LDB2: variants seen among roughly 807,000 people sequenced by gnomAD.
LDB2 encodes the protein LIM domain binding 2, also known as LIM domain-binding protein 2.
In LDB2, 12 loss-of-function variants were observed where a neutral mutation model predicts 44.3. The observed-to-expected ratio is 0.27, with a 90% CI of 0.17 to 0.44. LDB2 has a LOEUF of 0.44. LDB2 is among the 20% of genes least tolerant of loss of function. The probability of loss-of-function intolerance (pLI) is 1.00; values close to 1 mark genes in which losing one functional copy is unlikely to be tolerated. For synonymous variants in LDB2, 164 were observed against 174.8 expected (o/e 0.94, Z 0.49); for missense variants, 344 against 473.5 (o/e 0.73, Z 2.54).
intron 2 of LDB2, among the ~76,000 whole-genome samples, chr4:16,725,097 G>A (rs936883825): frequency 6.6e-6 from 1 of 152,214 alleles, no homozygotes; most frequent in Non-Finnish European, 1.5e-5. Flanking sequence ...TCCACATATA[G>A]AAGCAGCAGA....
At chr4:16,581,526 T>A in intron 5 of LDB2, 2 of 652,254 alleles carry the variant, frequency 3.1e-6, no homozygotes, top group Non-Finnish European at 3.8e-6. Context: ...TTGAAACTTA[T>A]ATTTTAACTA....
At chr4:16,820,245 TG>T (rs1050356405) in intron 1 of LDB2, among the ~76,000 whole-genome samples, 2 of 152,100 alleles carry the variant, frequency 1.3e-5, no homozygotes, top group Non-Finnish European at 2.9e-5. Context: ...AATACATTCA[TG>T]GGGGGGTAGT....
chr4:16,844,345 A>ACTT (rs1389715177), intron 1 of LDB2, among the ~76,000 whole-genome samples: 1 of 147,664 alleles, frequency 6.8e-6, no homozygotes, highest in Non-Finnish European at 1.5e-5. Context: ...TTCTCCTCCC[A>ACTT]CTTCCCTGGG....
chr4:16,655,430 C>T (rs1739498440), intron 2 of LDB2, among the ~76,000 whole-genome samples: 1 of 152,184 alleles, frequency 6.6e-6, no homozygotes, highest in African/African-American at 2.4e-5. Context: ...GAGAAATGCT[C>T]ATGGGTGTAG....
chr4:16,513,286 C>CT (rs1216134271), intron 5 of LDB2, among the ~76,000 whole-genome samples: 1 of 152,160 alleles, frequency 6.6e-6, no homozygotes, highest in Non-Finnish European at 1.5e-5. Flanking sequence ...GACATAGTTA[C>CT]TTCTTCTGTT....
intron 2 of LDB2, among the ~76,000 whole-genome samples, chr4:16,632,110 A>T: frequency 6.6e-6 from 1 of 152,234 alleles, no homozygotes; most frequent in Non-Finnish European, 1.5e-5. Flanking sequence ...TCCTGATACC[A>T]AAGCCTGTCA....
chr4:16,696,809 T>C (rs551186175), intron 2 of LDB2, among the ~76,000 whole-genome samples: 16 of 152,328 alleles, frequency 1.1e-4, no homozygotes, highest in African/African-American at 3.8e-4. Context: ...GCCCAGAATC[T>C]GCATTAGACT....
intron 2 of LDB2, among the ~76,000 whole-genome samples, chr4:16,659,112 GACAGAC>G (rs1370026648): frequency 6.6e-6 from 1 of 152,166 alleles, no homozygotes; most frequent in Non-Finnish European, 1.5e-5. Flanking sequence ...GTTCTCCAAA[GACAGAC>G]ACATTCTTAC....
At chr4:16,588,041 G>A (rs1326523900) in intron 4 of LDB2, among the ~76,000 whole-genome samples, 3 of 151,698 alleles carry the variant, frequency 2.0e-5, no homozygotes, top group African/African-American at 7.3e-5. Flanking sequence ...GTATTATAGA[G>A]GAGAGACTTA....
intron 5 of LDB2, among the ~76,000 whole-genome samples, chr4:16,537,656 G>A (rs1272208466): frequency 6.6e-6 from 1 of 152,178 alleles, no homozygotes; most frequent in African/African-American, 2.4e-5. Flanking sequence ...TGCTCCTAAT[G>A]TCCTGCTGAC....
At chr4:16,893,751 T>C (rs1032975939) in intron 1 of LDB2, among the ~76,000 whole-genome samples, 1 of 151,880 alleles carries the variant, frequency 6.6e-6, no homozygotes, top group Non-Finnish European at 1.5e-5. Flanking sequence ...ACAGGAAAAA[T>C]ACATAACGGA....
At chr4:16,835,026 A>G (rs1033635812) in intron 1 of LDB2, among the ~76,000 whole-genome samples, 5 of 152,324 alleles carry the variant, frequency 3.3e-5, no homozygotes, top group East Asian at 1.9e-4. Flanking sequence ...AGAGCTGTAC[A>G]TGGTGCAGAC....
Position 16,798,752 on chromosome 4 carries a change from T to C in LDB2, c.133-39492A>G, listed in dbSNP as rs530251440. On this transcript the variant is annotated intron_variant, in intron 1 of 7. Transcript: ENST00000304523. ...AAGACTTCCTACAACTTTTCTTTCT[T>C]TGGCTCTAGCCTCGAAAGCTGGACT... is the stretch of plus-strand genomic sequence containing the variant. Among the ~76,000 whole-genome samples, 3 of 152,278 alleles carry C rather than the reference T, an allele frequency of 2.0e-5. No individual in the cohort carries two copies. The South Asian group carries it at 6.2e-4, about 31-fold the overall frequency.
intron 5 of LDB2, among the ~76,000 whole-genome samples, chr4:16,557,843 C>T (rs1406664640): frequency 1.2e-4 from 18 of 152,262 alleles, no homozygotes; most frequent in Admixed American, 8.5e-4. Context: ...ACACCTCACA[C>T]GGCCGGGTAC....
At chr4:16,701,525 A>T (rs981420155) in intron 2 of LDB2, among the ~76,000 whole-genome samples, 1 of 152,248 alleles carries the variant, frequency 6.6e-6, no homozygotes, top group Non-Finnish European at 1.5e-5. Flanking sequence ...AGCATTTAGC[A>T]TATATAGCAC....
chr4:16,621,319 T>C (rs1354913052), intron 2 of LDB2, among the ~76,000 whole-genome samples: 1 of 152,186 alleles, frequency 6.6e-6, no homozygotes, highest in Non-Finnish European at 1.5e-5. Context: ...GGGCAAGAAC[T>C]CTGCCTTAGA....
At chr4:16,668,505 C>A (rs1285572203) in intron 2 of LDB2, among the ~76,000 whole-genome samples, 1 of 152,204 alleles carries the variant, frequency 6.6e-6, no homozygotes, top group East Asian at 1.9e-4. Context: ...TCTAGACCAC[C>A]AAGTTTCTGT....
At position 16,589,410 on chromosome 4, in the gene LDB2, C is replaced by G. The variant is rs1718128258; in HGVS notation, c.409-578G>C. ...ATGGTGGAGAGTATTTTCCTTGAATCTCAGCACATCAGCAATGATAAATTC... is the reference window on the plus strand; with the variant it reads ...ATGGTGGAGAGTATTTTCCTTGAATGTCAGCACATCAGCAATGATAAATTC... On this transcript the variant is annotated intron_variant, in intron 3 of 7. Coordinates refer to ENST00000304523, the MANE Select transcript of LDB2 (RefSeq NM_001290.5). Among the ~76,000 whole-genome samples, 4 of 152,218 alleles carry G rather than the reference C, an allele frequency of 2.6e-5. No homozygotes were observed. The South Asian group carries it at 8.3e-4, about 32-fold the overall frequency.
chr4:16,893,070 C>A, intron 1 of LDB2: 4 of 970,594 alleles, frequency 4.1e-6, no homozygotes, highest in Non-Finnish European at 4.9e-6. Flanking sequence ...AAGAGTCTTA[C>A]AATTGGTTTT....
Sources: allele counts gnomAD v4.1 joint callset (sites outside exome capture counted in the v4.1 genomes callset), GRCh38; gene constraint gnomAD v4.1.1; transcripts MANE v1.5; gene names NCBI Gene and HGNC (gene_info 2026-07-23, HGNC 2026-07-21).